The following NTM variants were observed in gnomAD, a reference collection of about 807,000 sequenced individuals.
NTM encodes the protein neurotrimin.
Under a neutral mutation model 42.1 loss-of-function variants are expected in NTM, and 13 were observed. The observed-to-expected ratio is 0.31, with a 90% CI of 0.20 to 0.49. The LOEUF is 0.49. NTM is among the 20% of genes least tolerant of loss of function. The probability of loss-of-function intolerance (pLI) is 0.99; values close to 1 mark genes in which losing one functional copy is unlikely to be tolerated. For synonymous variants in NTM, 187 were observed against 179.2 expected, an observed-to-expected ratio of 1.04 and a Z score of -0.35; for missense variants, 373 against 452.8, an observed-to-expected ratio of 0.82 and a Z score of 1.60.
At chr11:132,222,642 G>A (rs541918559) in intron 4 of NTM, among the ~76,000 whole-genome samples, 2 of 152,200 alleles carry the variant, frequency 1.3e-5, no homozygotes, top group East Asian at 3.9e-4. Context: ...CACAGCCGCA[G>A]CCTGCCTTTT....
At chr11:131,984,522 A>G (rs2065766816) in intron 2 of NTM, 1 of 152,128 alleles carries the variant, frequency 6.6e-6, no homozygotes, top group Non-Finnish European at 1.5e-5. Flanking sequence ...CACACTGGAT[A>G]GTTCTTCTTT....
intron 1 of NTM, among the ~76,000 whole-genome samples, chr11:131,642,293 G>A (rs1029644516): frequency 6.6e-6 from 1 of 152,172 alleles, no homozygotes; most frequent in African/African-American, 2.4e-5. Flanking sequence ...ACATTAGAGA[G>A]CCAAAGCAGT....
intron 1 of NTM, among the ~76,000 whole-genome samples, chr11:131,740,260 T>C (rs1565488394): frequency 6.6e-6 from 1 of 152,160 alleles, no homozygotes. Context: ...TGCCTCGATT[T>C]CCACATTGTA....
At chr11:131,455,271 G>A (rs946083181) in intron 1 of NTM, among the ~76,000 whole-genome samples, 1 of 152,202 alleles carries the variant, frequency 6.6e-6, no homozygotes, top group African/African-American at 2.4e-5. Context: ...AGATGCAGGA[G>A]GTGTTACGAG....
At chr11:131,458,795 G>GTT (rs1364996102) in intron 1 of NTM, among the ~76,000 whole-genome samples, 1 of 152,234 alleles carries the variant, frequency 6.6e-6, no homozygotes, top group Admixed American at 6.5e-5. Context: ...TGCAAACTTA[G>GTT]TTCACATCAA....
chr11:132,219,293 T>C (rs1412129335), intron 4 of NTM, among the ~76,000 whole-genome samples: 1 of 152,162 alleles, frequency 6.6e-6, no homozygotes, highest in Non-Finnish European at 1.5e-5. Context: ...TTTCCAACTA[T>C]GGCACCTCTT....
intron 1 of NTM, among the ~76,000 whole-genome samples, chr11:131,736,815 G>T (rs2080514319): frequency 6.6e-6 from 1 of 152,180 alleles, no homozygotes; most frequent in Non-Finnish European, 1.5e-5. Context: ...GAGGAGAGAG[G>T]TGTCATCCCT....
At chr11:131,934,395 T>A (rs571483762) in intron 2 of NTM, among the ~76,000 whole-genome samples, 3 of 152,336 alleles carry the variant, frequency 2.0e-5, no homozygotes, top group African/African-American at 7.2e-5. Flanking sequence ...GGAACTACCT[T>A]GTTGGGATGT....
At chr11:131,424,113 G>A (rs138984634) in intron 1 of NTM, among the ~76,000 whole-genome samples, 42 of 152,184 alleles carry the variant, frequency 2.8e-4, no homozygotes, top group African/African-American at 7.0e-4. Flanking sequence ...ATTATTAGGC[G>A]TTCCTTTGAC....
At chr11:132,205,364 C>G (rs957601359) in intron 3 of NTM, among the ~76,000 whole-genome samples, 1 of 152,188 alleles carries the variant, frequency 6.6e-6, no homozygotes, top group Non-Finnish European at 1.5e-5. Flanking sequence ...TTATTAATGA[C>G]ATAATTATTA....
At chr11:132,082,035 A>C (rs1051449214) in intron 2 of NTM, among the ~76,000 whole-genome samples, 1 of 148,174 alleles carries the variant, frequency 6.7e-6, no homozygotes, top group Non-Finnish European at 1.5e-5. Context: ...GACTTCAAAA[A>C]TTCATGGAAA....
At chr11:131,712,020 A>G (rs1323008406) in intron 1 of NTM, among the ~76,000 whole-genome samples, 5 of 149,256 alleles carry the variant, frequency 3.3e-5, no homozygotes, top group Non-Finnish European at 7.4e-5. Context: ...ATTAGGAGGT[A>G]TACCTAATGC....
chr11:131,464,607 A>G (rs1049498776), intron 1 of NTM, among the ~76,000 whole-genome samples: 13 of 151,988 alleles, frequency 8.6e-5, no homozygotes, highest in Non-Finnish European at 1.0e-4. Flanking sequence ...TTTGGCAAAT[A>G]TTCTACATAC....
In NTM at chr11:132,039,503, T is replaced by C. The variant is rs894184768; in HGVS notation, c.168-106779T>C. On this transcript the variant is annotated intron_variant, in intron 2 of 8. Transcript: ENST00000683400. ...AACTCTTAGGCTCAAGCGATTGCTG[T>C]AATTGTGAATCTGTTTCCTGTCTGG... Among the ~76,000 whole-genome samples, 4 of 151,366 alleles carry C rather than the reference T, an allele frequency of 2.6e-5. No individual in the cohort carries two copies. The Admixed American group carries it at 2.6e-4, about 10-fold the overall frequency.
chr11:131,494,378 G>A (rs185713601), intron 1 of NTM, among the ~76,000 whole-genome samples: 8 of 152,280 alleles, frequency 5.3e-5, no homozygotes, highest in East Asian at 3.9e-4. Flanking sequence ...ACAGCTAAAC[G>A]TGCCATGGAA....
At chr11:131,584,808 C>A (rs2137220066) in intron 1 of NTM, among the ~76,000 whole-genome samples, 2 of 152,256 alleles carry the variant, frequency 1.3e-5, no homozygotes, top group East Asian at 3.9e-4. Context: ...AGGCCGAGGG[C>A]GAGCTGGGAT....
At chr11:132,292,831 G>A (rs1423644898) in intron 4 of NTM, among the ~76,000 whole-genome samples, 3 of 147,856 alleles carry the variant, frequency 2.0e-5, no homozygotes, top group East Asian at 2.0e-4. Flanking sequence ...ATGTTGGATC[G>A]GGGGATTTAA....
At chr11:131,956,995 C>G (rs1211078292) in intron 2 of NTM, among the ~76,000 whole-genome samples, 2 of 151,540 alleles carry the variant, frequency 1.3e-5, no homozygotes, top group African/African-American at 2.4e-5. Context: ...ATTGTGTCCT[C>G]TGTGCTACCT....
rs146902270 is a variant in NTM, at chr11:131,486,984, C to T, written c.82+116096C>T. 1.7e-4 allele frequency among the ~76,000 whole-genome samples: 26 copies of T among 152,314 alleles called. No individual in the cohort carries two copies. In the East Asian group the frequency reaches 4.8e-3, roughly 28 times the overall value. On this transcript the variant is annotated intron_variant, in intron 1 of 8. Transcript: ENST00000683400. Reference sequence around the variant, plus strand: ...TTTTGATAACACATTATCCTATTTACTCTTTGTAATGCCACCAGTTCTTCA... The same window carrying T: ...TTTTGATAACACATTATCCTATTTATTCTTTGTAATGCCACCAGTTCTTCA...
Sources: allele counts gnomAD v4.1 joint callset (sites outside exome capture counted in the v4.1 genomes callset), GRCh38; gene constraint gnomAD v4.1.1; transcripts MANE v1.5; gene names NCBI Gene and HGNC (gene_info 2026-07-23, HGNC 2026-07-21).